Variants in SNX14 observed in about 807,000 individuals in gnomAD.
SNX14 encodes the protein sorting nexin 14.
Under a neutral mutation model 133.8 loss-of-function variants are expected in SNX14, and 93 were observed. The ratio of observed to expected loss-of-function variants is 0.70; its 90% CI spans 0.59 to 0.83. SNX14 has a LOEUF of 0.83. SNX14 is among the 40% of genes least tolerant of loss of function. The pLI is 0.00. For synonymous variants in SNX14, 368 were observed against 365.6 expected (o/e 1.01, Z -0.07); for missense variants, 945 against 1,094.9 (o/e 0.86, Z 1.93).
At chr6:85,510,120 G>T (rs1034205270) in intron 26 of SNX14, among the ~76,000 whole-genome samples, 1 of 152,062 alleles carries the variant, frequency 6.6e-6, no homozygotes, top group African/African-American at 2.4e-5. Context: ...CAGGTTTCTG[G>T]GTGGACATGT....
rs2127805054 is a variant in SNX14 at position 85,514,558 on chromosome 6, A to T, written c.2340T>A (p.Tyr780Ter). Residue 780 changes from tyrosine (Y) to a stop codon, truncating the protein, a stop_gained, in exon 24 of 29, where the codon TAT (tyrosine) becomes TAA (stop). Transcript: ENST00000314673. LOFTEE classifies it high-confidence loss of function. ...ENTERKQNQN[Y>*]FMEVMTVEGV... ...CTTCTACAGTCATCACCTCCATAAA[A>T]TAATTCTGATTTTGCTTTCTCTCTG... The T allele has an allele frequency of 6.2e-7, 1 of 1,613,476 alleles. No individual in the cohort carries two copies. Among genetic ancestry groups the T allele is most frequent in the Non-Finnish European group, 8.5e-7 (1 of 1,179,732 alleles).
chr6:85,520,949 T>C (rs1211153146), intron 21 of SNX14, among the ~76,000 whole-genome samples: 1 of 152,212 alleles, frequency 6.6e-6, no homozygotes, highest in Non-Finnish European at 1.5e-5. Context: ...GGATAGATTC[T>C]CCAAAGTATA....
chr6:85,568,127 A>C (rs1402639722), intron 4 of SNX14: 1 of 152,240 alleles, frequency 6.6e-6, no homozygotes, highest in East Asian at 1.9e-4. Flanking sequence ...AGAAAAACTT[A>C]TTATTAGAAT....
chr6:85,583,106 C>T (rs1238619293), intron 1 of SNX14, among the ~76,000 whole-genome samples: 2 of 152,172 alleles, frequency 1.3e-5, no homozygotes, highest in East Asian at 3.8e-4. Flanking sequence ...GTTCAACATA[C>T]ACAAATCAAT....
chr6:85,547,186 T>A lies in SNX14; in HGVS notation c.1034A>T (p.Asp345Val), dbSNP rs145265337. ...LELKQIREQQ[D>V]LLFRFMNFLK... The stretch of plus-strand genomic sequence containing the variant: ...AAAGTTCATAAAACGAAATAAAAGA[T>A]CTTGTTGCTCTCTGATTTGCTTCAA... The change falls in exon 12 of 29, where the codon GAT becomes GTT. Residue 345 changes from aspartate to valine, a missense_variant. Around this residue, in one of 3 missense-constraint regions of SNX14, gnomAD observed 514 missense variants for 538.8 expected, o/e 0.95. Transcript: ENST00000314673. 6.2e-7 allele frequency: 1 copy of A among 1,614,034 alleles called. No individual in the cohort carries two copies. Among genetic ancestry groups the A allele is most frequent in the African/African-American group, 1.3e-5 (1 of 75,040 alleles).
Position 85,514,576 on chromosome 6 carries a change from T to C in SNX14, c.2322A>G (p.Arg774=), listed in dbSNP as rs766254023. Residue 774 remains arginine (R), a synonymous_variant, in exon 24 of 29, where the codon AGA becomes AGG. Coordinates refer to ENST00000314673, the MANE Select transcript of SNX14 (RefSeq NM_153816.6). ...NNANRAENTE[R]KQNQNYFMEV... Reference sequence around the variant, plus strand: ...CCATAAAATAATTCTGATTTTGCTTTCTCTCTGTATTTTCAGCACGGTTTG... The same window carrying C: ...CCATAAAATAATTCTGATTTTGCTTCCTCTCTGTATTTTCAGCACGGTTTG... 1 of 1,613,300 alleles carries C rather than the reference T, an allele frequency of 6.2e-7. No individual in the cohort carries two copies. Among genetic ancestry groups the C allele is most frequent in the Non-Finnish European group, 8.5e-7 (1 of 1,179,650 alleles).
At chr6:85,545,481 T>C (rs776125132) in intron 12 of SNX14, among the ~76,000 whole-genome samples, 2 of 152,094 alleles carry the variant, frequency 1.3e-5, no homozygotes, top group African/African-American at 2.4e-5. Context: ...TAAAGAAAGA[T>C]GATGTGGCTA....
At chr6:85,572,483 A>C (rs1369261574) in intron 2 of SNX14, 109 bp from the exon 3 acceptor site, 1 of 837,230 alleles carries the variant, frequency 1.2e-6, no homozygotes, top group Non-Finnish European at 1.9e-6. Context: ...AAATTCAAAG[A>C]ACATTTTTTG....
chr6:85,558,935 GGA>G (rs1491319506), intron 6 of SNX14, among the ~76,000 whole-genome samples: 1 of 60,556 alleles, frequency 1.7e-5, no homozygotes, highest in Admixed American at 2.1e-4. Flanking sequence ...GCAGAAAACA[GGA>G]AAAAAAAAAA....
At chr6:85,553,658 C>T (rs1272951557) in intron 7 of SNX14, among the ~76,000 whole-genome samples, 3 of 151,978 alleles carry the variant, frequency 2.0e-5, no homozygotes, top group South Asian at 4.2e-4. Flanking sequence ...TGATGGCAGG[C>T]GCCTGTAGTC....
chr6:85,588,011 C>T (rs370324453), intron 1 of SNX14, among the ~76,000 whole-genome samples: 1 of 152,092 alleles, frequency 6.6e-6, no homozygotes, highest in East Asian at 1.9e-4. Flanking sequence ...AGGGCTAGGC[C>T]AGGCACAACA....
chr6:85,508,142 C>A (rs1562165985), intron 26 of SNX14, 83 bp from the exon 27 acceptor site: 14 of 1,501,546 alleles, frequency 9.3e-6, no homozygotes, highest in East Asian at 5.0e-5. Flanking sequence ...AAATCACCAC[C>A]CTGTTTCCCA....
At chr6:85,512,891 T>C (rs1437234210) in intron 26 of SNX14, among the ~76,000 whole-genome samples, 2 of 152,154 alleles carry the variant, frequency 1.3e-5, no homozygotes, top group Non-Finnish European at 2.9e-5. Flanking sequence ...TTTTAGTTCA[T>C]TCAGGTTTTT....
chr6:85,558,193 T>C (rs1052179983), intron 6 of SNX14, 133 bp from the exon 7 acceptor site: 1 of 569,434 alleles, frequency 1.8e-6, no homozygotes. Flanking sequence ...TAACACTTTA[T>C]ATTCCTGCAT....
chr6:85,579,214 A>G (rs1354274699), intron 1 of SNX14, among the ~76,000 whole-genome samples: 1 of 152,184 alleles, frequency 6.6e-6, no homozygotes. Flanking sequence ...CACCCAAGTG[A>G]CCAACCCCAA....
intron 20 of SNX14, among the ~76,000 whole-genome samples, chr6:85,526,508 C>T (rs562354322): frequency 6.6e-6 from 1 of 152,138 alleles, no homozygotes; most frequent in African/African-American, 2.4e-5. Context: ...GAGTCAGTTT[C>T]CTAACTTATA....
chr6:85,542,060 A>AATAAATG lies in SNX14; in HGVS notation c.1390-18_1390-17insCATTTAT. ...TCTGAAATACTTTAAAATAACAAAT[A>AATAAATG]ATAATTATCATTTATTACACTTACA... On this transcript the variant is annotated splice_polypyrimidine_tract_variant and intron_variant, in intron 14 of 28. Coordinates refer to ENST00000314673, the MANE Select transcript of SNX14 (RefSeq NM_153816.6). 6.7e-7 allele frequency: 1 copy of AATAAATG among 1,492,212 alleles called. No individual in the cohort carries two copies. The highest frequency in any genetic ancestry group is 9.1e-7 in the Non-Finnish European group (1 of 1,097,878). The allele number at this position is 1,492,212 out of a possible 1,614,324, so 92.4% of individuals were successfully genotyped here. A position where few individuals can be genotyped will look rare whatever the true frequency, so the allele number is the denominator to read the frequency against.
intron 1 of SNX14, among the ~76,000 whole-genome samples, chr6:85,576,312 T>C (rs1345402797): frequency 6.6e-6 from 1 of 152,172 alleles, no homozygotes; most frequent in Non-Finnish European, 1.5e-5. Context: ...GAAGTTCAAA[T>C]GGGAATAAGA....
intron 19 of SNX14, among the ~76,000 whole-genome samples, chr6:85,529,272 T>TGAAG (rs1353463320): frequency 1.7e-5 from 2 of 120,384 alleles, no homozygotes; most frequent in East Asian, 2.3e-4. Context: ...AACAAGGAAA[T>TGAAG]GAAGGAAGGA....
Sources: allele counts gnomAD v4.1 joint callset (sites outside exome capture counted in the v4.1 genomes callset), GRCh38; gene constraint gnomAD v4.1.1; regional missense constraint gnomAD v4.1.1; transcripts MANE v1.5; gene names NCBI Gene and HGNC (gene_info 2026-07-23, HGNC 2026-07-21).